Variants in TSPAN14 observed in about 807,000 individuals in gnomAD.
The protein encoded by TSPAN14 is tetraspanin 14.
In TSPAN14, 16 loss-of-function variants were observed where a neutral mutation model predicts 36.6. The observed-to-expected ratio is 0.44, with a 90% CI of 0.30 to 0.66. The LOEUF (loss-of-function observed/expected upper bound fraction) is 0.66, where lower values mean the gene tolerates loss of function less well. Among genes scored for constraint, TSPAN14 ranks in the 30% least tolerant of loss-of-function variants. The pLI is 0.12. For synonymous variants in TSPAN14, 139 were observed against 143.8 expected (o/e 0.97, Z 0.24); for missense variants, 231 against 355.1 (o/e 0.65, Z 2.81).
intron 2 of TSPAN14, among the ~76,000 whole-genome samples, chr10:80,497,204 A>G (rs1172374071): frequency 6.6e-6 from 1 of 152,180 alleles, no homozygotes; most frequent in Non-Finnish European, 1.5e-5. Context: ...GGCTATTAAG[A>G]CCTGTTACAG....
chr10:80,459,990 G>C (rs1436855626), intron 1 of TSPAN14, among the ~76,000 whole-genome samples: 1 of 152,202 alleles, frequency 6.6e-6, no homozygotes, highest in Non-Finnish European at 1.5e-5. Context: ...CACCCTGAGT[G>C]AGGGGTGGGA....
intron 1 of TSPAN14, among the ~76,000 whole-genome samples, chr10:80,483,778 C>T (rs992847227): frequency 1.3e-5 from 2 of 151,606 alleles, no homozygotes; most frequent in African/African-American, 2.4e-5. Context: ...GACATGGTGT[C>T]GGTCGCCTGT....
intron 1 of TSPAN14, among the ~76,000 whole-genome samples, chr10:80,467,939 A>C (rs1178474091): frequency 1.3e-5 from 2 of 152,186 alleles, no homozygotes; most frequent in Admixed American, 1.3e-4. Flanking sequence ...TAAAGCTTTT[A>C]ATTTTACCTC....
chr10:80,512,324 C>T, intron 6 of TSPAN14, 55 bp downstream of exon 6: 1 of 1,603,156 alleles, frequency 6.2e-7, no homozygotes. Flanking sequence ...AGCCCAGAAG[C>T]TTTCCTGACT....
intron 5 of TSPAN14, among the ~76,000 whole-genome samples, chr10:80,510,611 A>G (rs1013191678): frequency 3.9e-5 from 6 of 152,200 alleles, no homozygotes; most frequent in Non-Finnish European, 8.8e-5. Flanking sequence ...GCGGTGACTC[A>G]CGCCTGTAAT....
intron 4 of TSPAN14, among the ~76,000 whole-genome samples, chr10:80,507,653 C>A (rs1165837106): frequency 6.6e-6 from 1 of 152,236 alleles, no homozygotes; most frequent in Admixed American, 6.5e-5. Flanking sequence ...TTTTATCTTC[C>A]TTCAGAAATT....
chr10:80,471,992 T>A (rs115292843), intron 1 of TSPAN14, among the ~76,000 whole-genome samples: 1 of 152,016 alleles, frequency 6.6e-6, no homozygotes, highest in Non-Finnish European at 1.5e-5. Flanking sequence ...CTGGGCAACA[T>A]AGGGAGACCC....
chr10:80,467,045 T>C (rs1403597324), intron 1 of TSPAN14, among the ~76,000 whole-genome samples: 1 of 152,224 alleles, frequency 6.6e-6, no homozygotes, highest in Non-Finnish European at 1.5e-5. Context: ...GGGTTAGAGC[T>C]GTGGGGTGAG....
chr10:80,507,068 C>T (rs1046230149), intron 3 of TSPAN14, 160 bp from the exon 4 acceptor site: 51 of 937,924 alleles, frequency 5.4e-5, no homozygotes, highest in Non-Finnish European at 7.3e-5. Flanking sequence ...GGAGGGGCCC[C>T]TAAGGGCATG....
intron 2 of TSPAN14, among the ~76,000 whole-genome samples, chr10:80,494,340 A>G (rs1367544185): frequency 6.6e-6 from 1 of 152,224 alleles, no homozygotes; most frequent in East Asian, 1.9e-4. Context: ...TAGGGCGAAC[A>G]TGTAATCTGT....
chr10:80,462,485 A>G (rs544025019), intron 1 of TSPAN14, among the ~76,000 whole-genome samples: 9 of 152,204 alleles, frequency 5.9e-5, no homozygotes, highest in South Asian at 2.1e-4. Context: ...TCTAATGGTC[A>G]TTGTGTCATT....
In TSPAN14 at chr10:80,520,810, T is replaced by A. The variant is rs754865372; in HGVS notation, c.*2834T>A. 5.1e-5 allele frequency: 27 copies of A among 533,464 alleles called. 1 individual carries two copies. The highest frequency in any genetic ancestry group is 3.8e-4 in the South Asian group (27 of 71,586). 33.0% of individuals were successfully genotyped at this position (533,464 alleles called of 1,614,324 possible). A position where few individuals can be genotyped will look rare whatever the true frequency, so the allele number is the denominator to read the frequency against. ...CTTATCCCAATTGTCAACTCTGGCC[T>A]TCTTCAGCCTCTGTAGCACCAGACA... On this transcript the variant is annotated 3_prime_UTR_variant, in exon 9 of 9. Transcript: ENST00000429989.
intron 1 of TSPAN14, chr10:80,468,788 A>G (rs1198191060): frequency 2.0e-5 from 3 of 148,130 alleles, no homozygotes; most frequent in Admixed American, 6.9e-5. Context: ...GGCTCACTAC[A>G]CCCTTTATCT....
chr10:80,483,911 CAAAAAAAAAAAAAAAAAAAAAAAAAAAA>C (rs57795678), intron 1 of TSPAN14, among the ~76,000 whole-genome samples: 2 of 16,528 alleles, frequency 1.2e-4, no homozygotes, highest in Admixed American at 1.1e-3. Flanking sequence ...ACTCTTGTCT[CAAAAAAAAAAAAAAAAAAAAAAAAAAAA>C]AAAAAAAAAA....
At chr10:80,497,267 T>G (rs910496904) in intron 2 of TSPAN14, among the ~76,000 whole-genome samples, 6 of 152,220 alleles carry the variant, frequency 3.9e-5, no homozygotes, top group African/African-American at 1.4e-4. Flanking sequence ...ATCCCAGGCT[T>G]TGTGTGGCTG....
Position 80,503,466 on chromosome 10 carries a change from G to A in TSPAN14, c.82-1262G>A, listed in dbSNP as rs34769344. ...CCTTCTCCCCACTGCCTGACATTTTGGTCTTGGCCCTCCCTGGGCCCCAGT... is the reference window on the plus strand; with the variant it reads ...CCTTCTCCCCACTGCCTGACATTTTAGTCTTGGCCCTCCCTGGGCCCCAGT... On this transcript the variant is annotated intron_variant, in intron 2 of 8. Transcript: ENST00000429989. Among the ~76,000 whole-genome samples the A allele has an allele frequency of 7.2e-3, 1,095 of 152,114 alleles. 6 individuals carry two copies. The highest frequency in any genetic ancestry group is 0.012 in the Non-Finnish European group (809 of 68,002).
chr10:80,512,101 C>G (rs751089530), intron 5 of TSPAN14, 43 bp from the exon 6 acceptor site: 2 of 1,613,310 alleles, frequency 1.2e-6, no homozygotes, highest in Non-Finnish European at 1.7e-6. Flanking sequence ...CAGCCATGGC[C>G]CTGTCTTGGA....
chr10:80,511,784 TTCTC>T (rs1188050567), intron 5 of TSPAN14, among the ~76,000 whole-genome samples: 1 of 134,538 alleles, frequency 7.4e-6, no homozygotes, highest in African/African-American at 2.8e-5. Context: ...CCTTTTTTCT[TTCTC>T]TCCTTTTCTC....
At chr10:80,499,130 C>G (rs1479938289) in intron 2 of TSPAN14, among the ~76,000 whole-genome samples, 1 of 152,212 alleles carries the variant, frequency 6.6e-6, no homozygotes, top group East Asian at 1.9e-4. Context: ...GCCATTAAAT[C>G]ATGGGTGAGA....
Sources: gnomAD v4.1 joint callset for allele counts (sites outside exome capture counted in the v4.1 genomes callset) on GRCh38, gnomAD v4.1.1 for gene constraint, MANE v1.5 for transcripts, NCBI Gene and HGNC (gene_info 2026-07-23, HGNC 2026-07-21) for gene names.